The following LPP variants were observed in gnomAD, a reference collection of about 807,000 sequenced individuals.
The protein encoded by LPP is lipoma-preferred partner.
A neutral mutation model predicts 60.4 loss-of-function variants in LPP; 38 were observed. The ratio of observed to expected loss-of-function variants is 0.63; its 90% CI spans 0.49 to 0.83. LPP has a LOEUF of 0.83. LPP is among the 40% of genes least tolerant of loss of function. LPP has a pLI of 0.00. For synonymous variants in LPP, 328 were observed against 290.8 expected (o/e 1.13, Z -1.30); for missense variants, 902 against 783.6 (o/e 1.15, Z -1.80).
At chr3:188,240,787 T>A (rs2149458028) in intron 2 of LPP, among the ~76,000 whole-genome samples, 1 of 152,246 alleles carries the variant, frequency 6.6e-6, no homozygotes, top group South Asian at 2.1e-4. Flanking sequence ...AATGCAGGGC[T>A]GCTCTGTCCT....
intron 2 of LPP, among the ~76,000 whole-genome samples, chr3:188,331,143 T>C (rs1233635033): frequency 6.6e-6 from 1 of 152,226 alleles, no homozygotes; most frequent in Non-Finnish European, 1.5e-5. Flanking sequence ...TGCTATCTCA[T>C]GCTTGGTGTA....
intron 9 of LPP, among the ~76,000 whole-genome samples, chr3:188,821,646 C>T (rs1753994618): frequency 6.6e-6 from 1 of 152,000 alleles, no homozygotes; most frequent in South Asian, 2.1e-4. Context: ...ATATTAGACA[C>T]AATTTACATA....
intron 8 of LPP, among the ~76,000 whole-genome samples, chr3:188,753,730 G>C (rs188194832): frequency 1.3e-5 from 2 of 151,980 alleles, no homozygotes; most frequent in South Asian, 2.1e-4. Context: ...ACTCATCCTA[G>C]TGGCAGTCAT....
intron 6 of LPP, among the ~76,000 whole-genome samples, chr3:188,566,886 T>C (rs1189412086): frequency 6.6e-6 from 1 of 151,836 alleles, no homozygotes; most frequent in Non-Finnish European, 1.5e-5. Flanking sequence ...ACAGTATCTT[T>C]ATGCATACAG....
intron 5 of LPP, among the ~76,000 whole-genome samples, chr3:188,505,345 C>T (rs780608372): frequency 2.6e-5 from 4 of 152,158 alleles, no homozygotes; most frequent in Non-Finnish European, 5.9e-5. Flanking sequence ...TTCTTTACCA[C>T]CCCCTCCTCC....
chr3:188,569,726 G>A (rs772144127), intron 6 of LPP, among the ~76,000 whole-genome samples: 3 of 151,886 alleles, frequency 2.0e-5, no homozygotes, highest in Non-Finnish European at 2.9e-5. Flanking sequence ...TTTCAGCCTC[G>A]GCCATCTGGC....
intron 7 of LPP, among the ~76,000 whole-genome samples, chr3:188,690,308 T>TA (rs1438651771): frequency 6.6e-6 from 1 of 152,208 alleles, no homozygotes; most frequent in African/African-American, 2.4e-5. Context: ...TGCTCGGGGT[T>TA]AGGCTTTTCC....
At chr3:188,507,036 G>A (rs9861732) in intron 5 of LPP, among the ~76,000 whole-genome samples, 142,579 of 152,158 alleles carry the variant, frequency 0.94, 66,959 homozygotes, top group East Asian at 1. Context: ...TGGCCTCGTG[G>A]TCCACCTACC....
chr3:188,792,314 C>T (rs1363622576), intron 9 of LPP, among the ~76,000 whole-genome samples: 1 of 152,210 alleles, frequency 6.6e-6, no homozygotes, highest in Non-Finnish European at 1.5e-5. Context: ...CAGCCTGTGA[C>T]AGTCAACATT....
intron 3 of LPP, among the ~76,000 whole-genome samples, chr3:188,343,445 G>T (rs1763566038): frequency 6.6e-6 from 1 of 152,146 alleles, no homozygotes; most frequent in Non-Finnish European, 1.5e-5. Context: ...TATCAGAAAA[G>T]AATGTACTGT....
intron 5 of LPP, among the ~76,000 whole-genome samples, chr3:188,497,010 A>T (rs1193684312): frequency 1.3e-5 from 2 of 148,824 alleles, no homozygotes; most frequent in Non-Finnish European, 3.0e-5. Flanking sequence ...TTTCTGTGGC[A>T]TTTTTTTTTT....
At chr3:188,384,139 T>A (rs572631040) in intron 3 of LPP, among the ~76,000 whole-genome samples, 1 of 152,344 alleles carries the variant, frequency 6.6e-6, no homozygotes, top group East Asian at 1.9e-4. Flanking sequence ...GCTCCATGTG[T>A]CTTTGACGAA....
chr3:188,658,346 A>G (rs1483273929), intron 7 of LPP, among the ~76,000 whole-genome samples: 1 of 152,114 alleles, frequency 6.6e-6, no homozygotes, highest in Non-Finnish European at 1.5e-5. Flanking sequence ...GAGTTTCGGC[A>G]TATTGGCCAG....
chr3:188,755,561 C>T (rs1729851978), intron 8 of LPP, among the ~76,000 whole-genome samples: 2 of 152,024 alleles, frequency 1.3e-5, no homozygotes, highest in African/African-American at 4.8e-5. Context: ...CCCGGCACCT[C>T]AGGAGGCCAA....
At chr3:188,445,465 A>G (rs1363594546) in intron 4 of LPP, among the ~76,000 whole-genome samples, 1 of 152,128 alleles carries the variant, frequency 6.6e-6, no homozygotes, top group African/African-American at 2.4e-5. Flanking sequence ...CAGGGAGGGT[A>G]ACATCACACA....
intron 3 of LPP, among the ~76,000 whole-genome samples, chr3:188,372,949 C>T (rs1246908849): frequency 6.6e-6 from 1 of 151,868 alleles, no homozygotes; most frequent in Non-Finnish European, 1.5e-5. Context: ...TGAGTGAGAA[C>T]ATGCGGTGTT....
At chr3:188,792,096 T>G (rs562134270) in intron 9 of LPP, among the ~76,000 whole-genome samples, 1 of 152,270 alleles carries the variant, frequency 6.6e-6, no homozygotes, top group South Asian at 2.1e-4. Context: ...CCCACTGCCA[T>G]CCTCCTGGTT....
chr3:188,757,469 T>C (rs976462120), intron 8 of LPP, among the ~76,000 whole-genome samples: 8 of 152,202 alleles, frequency 5.3e-5, no homozygotes, highest in African/African-American at 1.9e-4. Flanking sequence ...TTCCAGGTAT[T>C]ACACTTCGGG....
At chr3:188,328,078 GA>G (rs138107542) in intron 2 of LPP, among the ~76,000 whole-genome samples, 2,298 of 152,174 alleles carry the variant, frequency 0.015, 24 homozygotes, top group African/African-American at 0.023. Context: ...CTATGTATTT[GA>G]AAAAGGAAGG....
Sources: allele counts gnomAD v4.1 joint callset (sites outside exome capture counted in the v4.1 genomes callset), GRCh38; gene constraint gnomAD v4.1.1; transcripts MANE v1.5; gene names NCBI Gene and HGNC (gene_info 2026-07-23, HGNC 2026-07-21).